Variants in DYSF observed in about 807,000 individuals in gnomAD.
DYSF encodes dysferlin.
Under a neutral mutation model 274.9 loss-of-function variants are expected in DYSF, and 212 were observed. That is an observed-to-expected ratio of 0.77 (90% CI 0.69 to 0.86). The LOEUF (loss-of-function observed/expected upper bound fraction) is 0.86, where lower values mean the gene tolerates loss of function less well. Among genes scored for constraint, DYSF ranks in the 40% least tolerant of loss-of-function variants. DYSF has a pLI of 0.00. For missense variants in DYSF, 2,666 were observed against 2,783.2 expected (o/e 0.96, Z 0.95); for synonymous variants, 1,091 against 1,078.7 (o/e 1.01, Z -0.22).
rs746634699 is a variant in DYSF at position 71,569,897 on chromosome 2, G to A, written c.2942G>A (p.Gly981Asp). ...VFENQTRLPG[G>D]QWIYMSDNYT... ...GAGAACCAGACCCGGCTTCCCGGAGGCCAGTGGATCTACATGAGTGACAAC... is the reference window on the plus strand; with the variant it reads ...GAGAACCAGACCCGGCTTCCCGGAGACCAGTGGATCTACATGAGTGACAAC... Residue 981 changes from glycine to aspartate, a missense_variant, in exon 27 of 56, where the codon GGC (glycine) becomes GAC (aspartate). Gly to Asp is a moderately conservative substitution (Grantham distance 94). Coordinates refer to ENST00000410020, the MANE Select transcript of DYSF (RefSeq NM_001130987.2). The A allele has an allele frequency of 6.2e-7, 1 of 1,614,142 alleles. No homozygotes were observed. Among genetic ancestry groups the A allele is most frequent in the Non-Finnish European group, 8.5e-7 (1 of 1,180,032 alleles).
intron 33 of DYSF, 135 bp downstream of exon 33, chr2:71,598,880 AT>A (rs1244523550): frequency 2.0e-6 from 2 of 999,116 alleles, no homozygotes; most frequent in Non-Finnish European, 1.5e-6. Context: ...AATTAAAATA[AT>A]TTTAGAGTCA....
At chr2:71,478,949 C>T (rs530689543) in intron 1 of DYSF, among the ~76,000 whole-genome samples, 1 of 152,108 alleles carries the variant, frequency 6.6e-6, no homozygotes, top group Non-Finnish European at 1.5e-5. Flanking sequence ...AGGGCGGGGC[C>T]GACCCCACAG....
rs892939658 is a variant in DYSF at position 71,677,181 on chromosome 2, A to C, written c.5885-1876A>C. ...ATAGAGGAATGTGGATAGTTAGGTC[A>C]AAGCAGACGCACAGATGGAAGGACG... On this transcript the variant is annotated intron_variant, in intron 52 of 55. Transcript: ENST00000410020. Among the ~76,000 whole-genome samples the C allele has an allele frequency of 4.8e-4, 73 of 152,196 alleles. 3 individuals carry two copies. The highest frequency in any genetic ancestry group is 1.5e-5 in the Non-Finnish European group (1 of 68,024).
chr2:71,644,548 A>C lies in DYSF; in HGVS notation c.4626+485A>C, dbSNP rs185176948. On this transcript the variant is annotated intron_variant, in intron 42 of 55. Coordinates refer to ENST00000410020, the MANE Select transcript of DYSF (RefSeq NM_001130987.2). The stretch of plus-strand genomic sequence containing the variant: ...TTAAAATAAAAAGAGAGTCGGTTTG[A>C]GAATGTACTCCTGACCCCTAACTCC... Among the ~76,000 whole-genome samples, 1,147 of 152,268 alleles carry C rather than the reference A, an allele frequency of 7.5e-3. 17 individuals are homozygous for C. The highest frequency in any genetic ancestry group is 0.026 in the African/African-American group (1,095 of 41,564).
At chr2:71,568,395 T>A in intron 26 of DYSF, 57 bp downstream of exon 26, 1 of 1,597,292 alleles carries the variant, frequency 6.3e-7, no homozygotes, top group Non-Finnish European at 8.5e-7. Context: ...CACCATGGAC[T>A]GCACCCTCCT....
chr2:71,574,150 C>T lies in DYSF; in HGVS notation c.3229-48C>T, dbSNP rs759954799. 6 of 1,604,420 alleles carry T rather than the reference C, an allele frequency of 3.7e-6. No individual in the cohort carries two copies. The Admixed American group carries it at 6.7e-5, about 18-fold the overall frequency. On this transcript the variant is annotated intron_variant, in intron 29 of 55. Transcript: ENST00000410020. ...AAAGGTGGAGCCGAGCACAGAACTC[C>T]CCCCAGCCTTCCCACCGGCCTCTGA... is the stretch of plus-strand genomic sequence containing the variant.
At chr2:71,569,719 G>T in intron 26 of DYSF, 101 bp from the exon 27 acceptor site, 1 of 964,910 alleles carries the variant, frequency 1.0e-6, no homozygotes, top group South Asian at 1.4e-5. Flanking sequence ...TTGTTGGTTG[G>T]GGTGAGGCTG....
intron 23 of DYSF, among the ~76,000 whole-genome samples, chr2:71,563,324 C>T (rs987294757): frequency 1.3e-5 from 2 of 152,196 alleles, no homozygotes; most frequent in African/African-American, 4.8e-5. Context: ...CATGGGCATG[C>T]TTCACCTGTG....
intron 19 of DYSF, among the ~76,000 whole-genome samples, chr2:71,552,349 A>G (rs2091008176): frequency 6.6e-6 from 1 of 152,228 alleles, no homozygotes; most frequent in South Asian, 2.1e-4. Context: ...ATCTCATAAG[A>G]CAGTTGTGGG....
At chr2:71,481,695 TATCCATCC>T (rs56102566) in intron 2 of DYSF, among the ~76,000 whole-genome samples, 176 bp from the exon 3 acceptor site, 3 of 124,454 alleles carry the variant, frequency 2.4e-5, no homozygotes, top group Non-Finnish European at 3.3e-5. Context: ...GGTCTTCATC[TATCCATCC>T]ATCCATCCAT....
intron 23 of DYSF, among the ~76,000 whole-genome samples, chr2:71,563,668 A>G (rs1448649313): frequency 2.0e-5 from 3 of 152,064 alleles, no homozygotes; most frequent in African/African-American, 7.2e-5. Context: ...CCTAGGCGTA[A>G]TGTTACCTCC....
intron 53 of DYSF, among the ~76,000 whole-genome samples, chr2:71,680,728 A>C (rs59587819): frequency 1.3e-5 from 2 of 152,254 alleles, no homozygotes; most frequent in Non-Finnish European, 2.9e-5. Flanking sequence ...GTGACATTTC[A>C]TAAGCTTGCA....
intron 4 of DYSF, among the ~76,000 whole-genome samples, chr2:71,505,336 C>T (rs915571621): frequency 2.0e-5 from 3 of 152,352 alleles, no homozygotes; most frequent in Admixed American, 6.5e-5. Flanking sequence ...TGGCCGCTCA[C>T]TGAGACCTCA....
At chr2:71,534,495 T>G (rs1356705058) in intron 14 of DYSF, among the ~76,000 whole-genome samples, 2 of 152,200 alleles carry the variant, frequency 1.3e-5, no homozygotes, top group Non-Finnish European at 2.9e-5. Flanking sequence ...GGAGGCAGAC[T>G]ATGGCTTATA....
chr2:71,620,527 C>G lies in DYSF; in HGVS notation c.4465-20C>G, dbSNP rs1366709771. The G allele has an allele frequency of 1.9e-6, 3 of 1,551,724 alleles. No individual in the cohort carries two copies. The highest frequency in any genetic ancestry group is 2.6e-6 in the Non-Finnish European group (3 of 1,146,992). On this transcript the variant is annotated intron_variant, in intron 40 of 55. Coordinates refer to ENST00000410020, the MANE Select transcript of DYSF (RefSeq NM_001130987.2). ...GTGGGTTCTCTAATCCTGTTGCTAA[C>G]CAGCATGTTTCATTTGTAGCTTGCA...
chr2:71,568,138 C>G (rs200126593), intron 25 of DYSF, 34 bp from the exon 26 acceptor site: 1 of 1,614,094 alleles, frequency 6.2e-7, no homozygotes. Context: ...TGCCTTGGCC[C>G]CCTGCTCACG....
At position 71,541,840 on chromosome 2, in the gene DYSF, A is replaced by AT. The variant is rs1029483229; in HGVS notation, c.1576+2610dup. Among the ~76,000 whole-genome samples, 13 of 150,066 alleles carry AT rather than the reference A, an allele frequency of 8.7e-5. No individual in the cohort carries two copies. In the South Asian group the frequency reaches 1.3e-3, roughly 15 times the overall value. ...GATGTGATTCTTTCATAGTTAGTCT[A>AT]TTTTTTTTTCCTGACTAGATGCTGC... On this transcript the variant is annotated intron_variant, in intron 17 of 55. Coordinates refer to ENST00000410020, the MANE Select transcript of DYSF (RefSeq NM_001130987.2).
At position 71,513,710 on chromosome 2, in the gene DYSF, T is replaced by C. The variant is rs2152731660; in HGVS notation, c.554-6T>C. ...TCCAGGCCTCATTAGGGCCCTCTCC[T>C]CTTAGACACAGGAGGAGAGGAAGAC... On this transcript the variant is annotated splice_polypyrimidine_tract_variant and splice_region_variant and intron_variant, in intron 6 of 55. Transcript: ENST00000410020. 1 of 1,613,626 alleles carries C rather than the reference T, an allele frequency of 6.2e-7. No homozygotes were observed. The highest frequency in any genetic ancestry group is 2.2e-5 in the East Asian group (1 of 44,838).
intron 40 of DYSF, among the ~76,000 whole-genome samples, chr2:71,617,418 A>G (rs1323409021): frequency 1.3e-5 from 2 of 152,174 alleles, no homozygotes; most frequent in African/African-American, 4.8e-5. Flanking sequence ...CTTCTCCGGG[A>G]AGGCGGCCTC....
Sources: allele counts gnomAD v4.1 joint callset (sites outside exome capture counted in the v4.1 genomes callset), GRCh38; gene constraint gnomAD v4.1.1; transcripts MANE v1.5; gene names NCBI Gene and HGNC (gene_info 2026-07-23, HGNC 2026-07-21).